Variants in TCF7L2 observed in about 807,000 individuals in gnomAD.
TCF7L2 encodes the protein transcription factor 7-like 2.
A neutral mutation model predicts 77.9 loss-of-function variants in TCF7L2; 23 were observed. That is an observed-to-expected ratio of 0.30 (90% CI 0.21 to 0.42). TCF7L2 has a LOEUF of 0.42. Among genes scored for constraint, TCF7L2 ranks in the 10% least tolerant of loss-of-function variants. The pLI is 1.00. For missense variants in TCF7L2, 654 were observed against 793.1 expected, an observed-to-expected ratio of 0.82 and a Z score of 2.11; for synonymous variants, 413 against 340.2, an observed-to-expected ratio of 1.21 and a Z score of -2.36.
At chr10:113,026,747 C>T (rs2049248727) in intron 4 of TCF7L2, among the ~76,000 whole-genome samples, 1 of 152,180 alleles carries the variant, frequency 6.6e-6, no homozygotes, top group South Asian at 2.1e-4. Context: ...CTCCTGAATT[C>T]CTGGGAGCTC....
chr10:113,146,614 A>G (rs2069463951), intron 8 of TCF7L2, among the ~76,000 whole-genome samples: 1 of 151,678 alleles, frequency 6.6e-6, no homozygotes, highest in Non-Finnish European at 1.5e-5. Flanking sequence ...TTTTTAAAAA[A>G]GTTTTTGTTT....
intron 5 of TCF7L2, among the ~76,000 whole-genome samples, chr10:113,093,405 A>G (rs1375262795): frequency 6.6e-6 from 1 of 152,166 alleles, no homozygotes; most frequent in Non-Finnish European, 1.5e-5. Context: ...GATACCAACC[A>G]TCTTCCACTT....
intron 4 of TCF7L2, among the ~76,000 whole-genome samples, chr10:112,989,567 C>T (rs1052032447): frequency 2.0e-5 from 3 of 152,108 alleles, no homozygotes; most frequent in African/African-American, 7.2e-5. Flanking sequence ...TTTGCGGCTT[C>T]ATCTTCAGGC....
intron 5 of TCF7L2, among the ~76,000 whole-genome samples, chr10:113,096,820 G>A (rs1282323627): frequency 6.6e-6 from 1 of 152,084 alleles, no homozygotes; most frequent in East Asian, 1.9e-4. Flanking sequence ...TTCTGTTTTG[G>A]AAAAGCCAGC....
intron 8 of TCF7L2, among the ~76,000 whole-genome samples, chr10:113,147,102 T>A (rs2137019209): frequency 6.6e-6 from 1 of 152,374 alleles, no homozygotes; most frequent in South Asian, 2.1e-4. Flanking sequence ...TTTCTAATGA[T>A]AGTTTTATTT....
In TCF7L2 at chr10:113,152,429, C is replaced by T. The variant is rs2137180558; in HGVS notation, c.1258C>T (p.Arg420Trp). The T allele has an allele frequency of 6.2e-7, 1 of 1,613,600 alleles. No individual in the cohort carries two copies. Residue 420 changes from arginine (R) to tryptophan (W), a missense_variant, in exon 11 of 14, where the codon CGG becomes TGG. Transcript: ENST00000627217. ...GCAACTGTACCCCGGCTGGTCCGCG[C>T]GGGATAACTATGTAGGTGGATCATT...
chr10:113,060,378 A>G (rs2056233388), intron 5 of TCF7L2, among the ~76,000 whole-genome samples: 1 of 152,164 alleles, frequency 6.6e-6, no homozygotes, highest in African/African-American at 2.4e-5. Flanking sequence ...AGAAGCCTTA[A>G]AAGGACTGTG....
chr10:113,094,487 T>A (rs1238267328), intron 5 of TCF7L2, among the ~76,000 whole-genome samples: 2 of 152,224 alleles, frequency 1.3e-5, no homozygotes, highest in African/African-American at 4.8e-5. Context: ...ACTCTCTACA[T>A]TATAACTTTG....
At chr10:113,114,794 TG>T (rs2063528554) in intron 5 of TCF7L2, among the ~76,000 whole-genome samples, 3 of 152,354 alleles carry the variant, frequency 2.0e-5, no homozygotes, top group African/African-American at 7.2e-5. Flanking sequence ...TGTGTTTTAC[TG>T]TAGTCTCAGT....
At chr10:113,000,401 G>A (rs112705080) in intron 4 of TCF7L2, among the ~76,000 whole-genome samples, 2 of 152,336 alleles carry the variant, frequency 1.3e-5, no homozygotes, top group Admixed American at 6.5e-5. Context: ...TGGGGCTTGA[G>A]ACCACTGTCA....
intron 5 of TCF7L2, among the ~76,000 whole-genome samples, chr10:113,049,495 TATCACCACCTCTGCC>T (rs1223218817): frequency 1.3e-5 from 2 of 152,048 alleles, no homozygotes; most frequent in African/African-American, 4.8e-5. Flanking sequence ...ATCCACCGCT[TATCACCACCTCTGCC>T]ATTACCACTG....
chr10:113,069,386 C>A (rs188723227), intron 5 of TCF7L2, among the ~76,000 whole-genome samples: 1 of 152,038 alleles, frequency 6.6e-6, no homozygotes, highest in African/African-American at 2.4e-5. Flanking sequence ...TCAACCACCA[C>A]GCCTGGCTAA....
intron 4 of TCF7L2, among the ~76,000 whole-genome samples, chr10:112,979,531 C>A (rs557695347): frequency 1.3e-5 from 2 of 151,982 alleles, no homozygotes. Context: ...CCGAGGCGGG[C>A]GGATCACTTG....
At chr10:113,134,528 G>A (rs573734124) in intron 5 of TCF7L2, among the ~76,000 whole-genome samples, 1 of 152,312 alleles carries the variant, frequency 6.6e-6, no homozygotes, top group African/African-American at 2.4e-5. Context: ...TGGAAAAACA[G>A]GACTAGTTGA....
At chr10:113,072,544 C>T (rs777884709) in intron 5 of TCF7L2, among the ~76,000 whole-genome samples, 11 of 151,920 alleles carry the variant, frequency 7.2e-5, no homozygotes, top group Non-Finnish European at 1.2e-4. Context: ...TAGTAGAGAC[C>T]GGGCTTCACC....
intron 5 of TCF7L2, among the ~76,000 whole-genome samples, chr10:113,056,142 A>C (rs569589212): frequency 3.1e-4 from 47 of 152,326 alleles, no homozygotes; most frequent in Middle Eastern, 3.4e-3. Context: ...TTATCTCATC[A>C]GTCTTTGCAA....
At chr10:112,996,320 A>G (rs139031044) in intron 4 of TCF7L2, among the ~76,000 whole-genome samples, 2,122 of 152,368 alleles carry the variant, frequency 0.014, 26 homozygotes, top group Non-Finnish European at 0.021. Flanking sequence ...TGGCATCAAG[A>G]AAAGATGCTG....
chr10:113,027,108 G>A (rs2049322050), intron 4 of TCF7L2, among the ~76,000 whole-genome samples: 1 of 152,242 alleles, frequency 6.6e-6, no homozygotes, highest in Admixed American at 6.5e-5. Context: ...TTTGGAATGA[G>A]TTAGTGGTGC....
chr10:113,005,990 A>G (rs918011907), intron 4 of TCF7L2, among the ~76,000 whole-genome samples: 5 of 152,146 alleles, frequency 3.3e-5, no homozygotes, highest in Non-Finnish European at 7.3e-5. Context: ...AGAACATTCC[A>G]ATAGGAATGT....
Sources: allele counts gnomAD v4.1 joint callset (sites outside exome capture counted in the v4.1 genomes callset), GRCh38; gene constraint gnomAD v4.1.1; transcripts MANE v1.5; gene names NCBI Gene and HGNC (gene_info 2026-07-23, HGNC 2026-07-21).